The following IGFL2 variants were observed in gnomAD, a reference collection of about 807,000 sequenced individuals.
IGFL2 encodes IGF like family member 2.
Under a neutral mutation model 13.9 loss-of-function variants are expected in IGFL2, and 7 were observed. The observed-to-expected ratio is 0.51, with a 90% CI of 0.29 to 0.95. The LOEUF (loss-of-function observed/expected upper bound fraction) is 0.95. Ranked by LOEUF, IGFL2 falls within the 40% of genes least tolerant of loss-of-function variation. The probability of loss-of-function intolerance (pLI) is 0.08; values close to 1 mark genes in which losing one functional copy is unlikely to be tolerated. For missense variants in IGFL2, 138 were observed against 147.8 expected (o/e 0.93, Z 0.34); for synonymous variants, 55 against 55.8 (o/e 0.99, Z 0.07).
At chr19:46,085,548 G>A in the IGFL2 span, among the ~76,000 whole-genome samples, 1 of 152,122 alleles carries the variant, frequency 6.6e-6, no homozygotes, top group Non-Finnish European at 1.5e-5. Context: ...CTTGAATACA[G>A]TATACAGTTG....
chr19:46,177,351 C>T, the IGFL2 span, among the ~76,000 whole-genome samples: 1 of 152,118 alleles, frequency 6.6e-6, no homozygotes, highest in African/African-American at 2.4e-5. Flanking sequence ...TGAGATCGTA[C>T]CACTACCCTC....
intron 1 of IGFL2, chr19:46,159,164 C>T (rs974816486): frequency 3.9e-5 from 6 of 152,232 alleles, no homozygotes; most frequent in Non-Finnish European, 7.3e-5. Context: ...TGCCTGTGCA[C>T]TTCTGCTAGA....
At chr19:46,119,627 C>A in the IGFL2 span, among the ~76,000 whole-genome samples, 1 of 150,990 alleles carries the variant, frequency 6.6e-6, no homozygotes, top group Non-Finnish European at 1.5e-5. Flanking sequence ...GCTTAAGCCA[C>A]TGAGGAAATC....
the IGFL2 span, among the ~76,000 whole-genome samples, chr19:46,180,272 G>A: frequency 6.7e-6 from 1 of 149,946 alleles, no homozygotes; most frequent in South Asian, 2.1e-4. Flanking sequence ...TCCACCTCCC[G>A]AGTTCAAGCA....
At chr19:46,178,954 CTT>C in the IGFL2 span, among the ~76,000 whole-genome samples, 3 of 152,202 alleles carry the variant, frequency 2.0e-5, no homozygotes, top group African/African-American at 4.8e-5. Flanking sequence ...GAATAAACCT[CTT>C]TAAATATTTT....
At chr19:46,154,999 G>C (rs756194864) in intron 1 of IGFL2, among the ~76,000 whole-genome samples, 1 of 152,072 alleles carries the variant, frequency 6.6e-6, no homozygotes, top group Admixed American at 6.5e-5. Flanking sequence ...CTCCTGCAGC[G>C]ATGTCTTTCC....
chr19:46,149,499 C>G (rs1483615778), intron 1 of IGFL2, among the ~76,000 whole-genome samples: 1 of 151,228 alleles, frequency 6.6e-6, no homozygotes, highest in Non-Finnish European at 1.5e-5. Context: ...TCCATAGCCC[C>G]CGACCACCGC....
At chr19:46,188,435 ATT>A in the IGFL2 span, among the ~76,000 whole-genome samples, 2 of 151,776 alleles carry the variant, frequency 1.3e-5, no homozygotes, top group African/African-American at 4.8e-5. Context: ...TCTCCTCTAT[ATT>A]GCCTTTGTGA....
the IGFL2 span, among the ~76,000 whole-genome samples, chr19:46,098,310 A>G: frequency 1.3e-5 from 2 of 152,234 alleles, no homozygotes; most frequent in East Asian, 1.9e-4. Context: ...TTTGTCAGAA[A>G]CTAGGATTGC....
the IGFL2 span, among the ~76,000 whole-genome samples, chr19:46,087,034 T>C: frequency 6.6e-6 from 1 of 152,212 alleles, no homozygotes; most frequent in Non-Finnish European, 1.5e-5. Context: ...TGAATGTGCC[T>C]GTCTTTGGGC....
the IGFL2 span, chr19:46,137,449 C>T: frequency 9.5e-7 from 1 of 1,049,588 alleles, no homozygotes; most frequent in East Asian, 2.4e-5. Flanking sequence ...GCTCATACAG[C>T]CAATCTTGAA....
At chr19:46,205,999 ATGT>A in the IGFL2 span, among the ~76,000 whole-genome samples, 2 of 152,260 alleles carry the variant, frequency 1.3e-5, no homozygotes, top group East Asian at 1.9e-4. Context: ...CAAAAATCTA[ATGT>A]TGTTGTCATA....
At chr19:46,116,512 G>A in the IGFL2 span, among the ~76,000 whole-genome samples, 1 of 152,114 alleles carries the variant, frequency 6.6e-6, no homozygotes, top group Non-Finnish European at 1.5e-5. Flanking sequence ...TTTAGTTAAA[G>A]CAATTTTTGA....
At chr19:46,184,393 A>G in the IGFL2 span, among the ~76,000 whole-genome samples, 18,259 of 151,690 alleles carry the variant, frequency 0.12, 1,288 homozygotes, top group Middle Eastern at 0.21. Flanking sequence ...TACATTAGGT[A>G]TTTCTCCTAA....
At chr19:46,107,634 C>T in the IGFL2 span, among the ~76,000 whole-genome samples, 1 of 152,170 alleles carries the variant, frequency 6.6e-6, no homozygotes, top group Admixed American at 6.5e-5. Flanking sequence ...GTAATTGCAA[C>T]TCAGAAATAT....
chr19:46,106,514 G>A, the IGFL2 span, among the ~76,000 whole-genome samples: 1 of 152,140 alleles, frequency 6.6e-6, no homozygotes, highest in African/African-American at 2.4e-5. Flanking sequence ...AGGGTGTAAA[G>A]GAATAGTAAA....
At chr19:46,114,642 G>T in the IGFL2 span, among the ~76,000 whole-genome samples, 3 of 152,088 alleles carry the variant, frequency 2.0e-5, no homozygotes, top group Admixed American at 6.5e-5. Context: ...GTTCTCCTGA[G>T]ATCTGATGGT....
At chr19:46,172,271 G>C in the IGFL2 span, among the ~76,000 whole-genome samples, 10 of 152,302 alleles carry the variant, frequency 6.6e-5, no homozygotes, top group South Asian at 2.1e-3. Flanking sequence ...GCAGAAGAGA[G>C]TATAACTATA....
the IGFL2 span, chr19:46,137,479 G>A: frequency 8.9e-7 from 1 of 1,122,040 alleles, no homozygotes; most frequent in South Asian, 1.2e-5. Context: ...CAGACTCCTT[G>A]GGCAGGTTGC....
Sources: gnomAD v4.1 joint callset for allele counts (sites outside exome capture counted in the v4.1 genomes callset) on GRCh38, gnomAD v4.1.1 for gene constraint, MANE v1.5 for transcripts, NCBI Gene and HGNC (gene_info 2026-07-23, HGNC 2026-07-21) for gene names.